Variants in GPATCH2 observed in about 807,000 individuals in gnomAD.
The protein encoded by GPATCH2 is G-patch domain containing 2, also known as G patch domain-containing protein 2.
In GPATCH2, 51 loss-of-function variants were observed where a neutral mutation model predicts 58.0. The ratio of observed to expected loss-of-function variants is 0.88; its 90% CI spans 0.70 to 1.11. GPATCH2 has a LOEUF of 1.11. Among genes scored for constraint, GPATCH2 ranks in the 50% most tolerant of loss-of-function variants. The probability of loss-of-function intolerance (pLI) is 0.00; values close to 1 mark genes in which losing one functional copy is unlikely to be tolerated. For synonymous variants in GPATCH2, 222 were observed against 218.5 expected (o/e 1.02, Z -0.14); for missense variants, 625 against 652.2 (o/e 0.96, Z 0.45).
chr1:217,597,335 C>G lies in GPATCH2; in HGVS notation c.1098+12986G>C, dbSNP rs1190638148. Among the ~76,000 whole-genome samples, 3 of 147,858 alleles carry G rather than the reference C, an allele frequency of 2.0e-5. No individual in the cohort carries two copies. The Admixed American group carries it at 2.0e-4, about 10-fold the overall frequency. On this transcript the variant is annotated intron_variant, in intron 5 of 9. Coordinates refer to ENST00000366935, the MANE Select transcript of GPATCH2 (RefSeq NM_018040.5). ...ATAGCCTGGGCAACAGAGTGAGACTCTTGTCTCTTAAAAAAAAAAAAAACG... is the reference window on the plus strand; with the variant it reads ...ATAGCCTGGGCAACAGAGTGAGACTGTTGTCTCTTAAAAAAAAAAAAAACG...
chr1:217,484,864 C>A (rs1191770130), intron 8 of GPATCH2, among the ~76,000 whole-genome samples: 1 of 151,550 alleles, frequency 6.6e-6, no homozygotes, highest in Non-Finnish European at 1.5e-5. Context: ...CTCTGAAGAA[C>A]CCTGCCTATA....
chr1:217,552,761 G>A (rs1665426902), intron 5 of GPATCH2, among the ~76,000 whole-genome samples: 1 of 152,122 alleles, frequency 6.6e-6, no homozygotes, highest in African/African-American at 2.4e-5. Flanking sequence ...GAAATTGGAA[G>A]TTGTTATTCC....
rs190555474 is a variant in GPATCH2, at chr1:217,489,263, G to A, written c.1277+2417C>T. Among the ~76,000 whole-genome samples the A allele has an allele frequency of 2.8e-3, 421 of 151,816 alleles. 1 individual carries two copies. In the Middle Eastern group the frequency reaches 0.041, roughly 15 times the overall value. The stretch of plus-strand genomic sequence containing the variant: ...ATTTTTAAAAAATGGATTATTTGAC[G>A]GGGGCAATATTTTAATTACATTTCC... On this transcript the variant is annotated intron_variant, in intron 8 of 9. Coordinates refer to ENST00000366935, the MANE Select transcript of GPATCH2 (RefSeq NM_018040.5).
At chr1:217,500,822 AT>A (rs534939430) in intron 6 of GPATCH2, among the ~76,000 whole-genome samples, 132 of 151,700 alleles carry the variant, frequency 8.7e-4, no homozygotes, top group African/African-American at 3.0e-3. Context: ...AGTTCTTCTT[AT>A]TTTTTTCCTC....
intron 5 of GPATCH2, among the ~76,000 whole-genome samples, chr1:217,515,659 G>A (rs1268072124): frequency 1.3e-5 from 2 of 152,044 alleles, no homozygotes; most frequent in East Asian, 2.0e-4. Flanking sequence ...AGTGGACTGC[G>A]AGGTTGTCAC....
chr1:217,594,173 G>T (rs567737384), intron 5 of GPATCH2, among the ~76,000 whole-genome samples: 104 of 152,066 alleles, frequency 6.8e-4, no homozygotes, highest in African/African-American at 2.5e-3. Flanking sequence ...TTGTTCCCAA[G>T]AAACACATTT....
chr1:217,463,700 G>T lies in GPATCH2; in HGVS notation c.1278-14363C>A, dbSNP rs138180906. On this transcript the variant is annotated intron_variant, in intron 8 of 9. Transcript: ENST00000366935. ...GGCAGGCATAGTGATGTGTACCTTA[G>T]TGCTAGCTACTTGAGAGGCTCAGGC... is the stretch of plus-strand genomic sequence containing the variant. 3.2e-3 allele frequency among the ~76,000 whole-genome samples: 456 copies of T among 141,506 alleles called. 3 individuals are homozygous for T. Among genetic ancestry groups the T allele is most frequent in the Admixed American group, 0.018 (256 of 14,246 alleles). 92.8% of individuals were successfully genotyped at this position (141,506 alleles called of 152,430 possible). A position where few individuals can be genotyped will look rare whatever the true frequency, so the allele number is the denominator to read the frequency against.
chr1:217,629,171 A>T (rs757402925), intron 1 of GPATCH2, among the ~76,000 whole-genome samples: 3 of 152,136 alleles, frequency 2.0e-5, no homozygotes, highest in Non-Finnish European at 2.9e-5. Flanking sequence ...ATATCTGTTC[A>T]ATTAATGAAG....
chr1:217,438,317 G>A (rs970354288), intron 9 of GPATCH2, among the ~76,000 whole-genome samples: 2 of 152,040 alleles, frequency 1.3e-5, no homozygotes, highest in African/African-American at 2.4e-5. Context: ...AAACCAGAAC[G>A]CCTCTTCTCC....
intron 9 of GPATCH2, 146 bp from the exon 10 acceptor site, chr1:217,431,511 T>C: frequency 1.6e-6 from 1 of 616,262 alleles, no homozygotes; most frequent in South Asian, 2.0e-5. Context: ...CTTTGGATAC[T>C]TTTTGTAGTT....
intron 8 of GPATCH2, among the ~76,000 whole-genome samples, chr1:217,472,955 C>T (rs931516129): frequency 6.6e-6 from 1 of 152,110 alleles, no homozygotes; most frequent in Non-Finnish European, 1.5e-5. Context: ...CAAGTTCTTT[C>T]ACCACTAAGG....
At chr1:217,487,519 G>A (rs1019724971) in intron 8 of GPATCH2, among the ~76,000 whole-genome samples, 5 of 150,702 alleles carry the variant, frequency 3.3e-5, no homozygotes, top group South Asian at 2.1e-4. Flanking sequence ...TCCGCCTTCC[G>A]GGTTCAGGCG....
chr1:217,440,797 A>C (rs149392423), intron 9 of GPATCH2, among the ~76,000 whole-genome samples: 2,059 of 152,222 alleles, frequency 0.014, 17 homozygotes, highest in Middle Eastern at 0.055. Flanking sequence ...ATACAACTTA[A>C]AAGGGATGTG....
chr1:217,619,847 G>A lies in GPATCH2; in HGVS notation c.709C>T (p.Gln237Ter). The A allele has an allele frequency of 6.2e-7, 1 of 1,613,422 alleles. No homozygotes were observed. The highest frequency in any genetic ancestry group is 8.5e-7 in the Non-Finnish European group (1 of 1,179,656). The stretch of plus-strand genomic sequence containing the variant: ...CATTCCATTTTGTCCTTATTGGTCT[G>A]GTTCGTTTCCTCACTTTCTAAAACT... ...GVVLESEETN[Q>*]TNKDKMECEE... Residue 237 changes from glutamine (Q) to a stop codon, truncating the protein, a stop_gained, in exon 2 of 10, where the codon CAG (glutamine) becomes TAG (stop). Transcript: ENST00000366935. LOFTEE classifies it high-confidence loss of function.
chr1:217,503,529 C>G (rs1662405150), intron 6 of GPATCH2, among the ~76,000 whole-genome samples: 1 of 152,014 alleles, frequency 6.6e-6, no homozygotes, highest in Non-Finnish European at 1.5e-5. Flanking sequence ...GAAGAGAGAT[C>G]TTTTCCTCTA....
At chr1:217,615,429 C>T (rs1350009267) in intron 2 of GPATCH2, among the ~76,000 whole-genome samples, 1 of 152,036 alleles carries the variant, frequency 6.6e-6, no homozygotes, top group Non-Finnish European at 1.5e-5. Flanking sequence ...AAGAGCATCA[C>T]AACCAAATTT....
intron 5 of GPATCH2, among the ~76,000 whole-genome samples, chr1:217,535,838 C>T (rs1434852426): frequency 6.6e-6 from 1 of 152,200 alleles, no homozygotes; most frequent in African/African-American, 2.4e-5. Context: ...ATACCACAAA[C>T]TCTGGCAATA....
intron 5 of GPATCH2, among the ~76,000 whole-genome samples, chr1:217,525,690 A>C (rs1048333834): frequency 6.6e-6 from 1 of 152,206 alleles, no homozygotes; most frequent in African/African-American, 2.4e-5. Flanking sequence ...TAATACATGT[A>C]AAATTAATTG....
intron 9 of GPATCH2, among the ~76,000 whole-genome samples, chr1:217,441,774 A>C (rs1243957100): frequency 6.6e-6 from 1 of 152,214 alleles, no homozygotes; most frequent in Admixed American, 6.5e-5. Context: ...GAGAAATGCA[A>C]ATCAAAATCA....
Sources: gnomAD v4.1 joint callset for allele counts (sites outside exome capture counted in the v4.1 genomes callset) on GRCh38, gnomAD v4.1.1 for gene constraint, MANE v1.5 for transcripts, NCBI Gene and HGNC (gene_info 2026-07-23, HGNC 2026-07-21) for gene names.